Variants in CRYZ observed in about 807,000 individuals in gnomAD.
CRYZ encodes zeta-crystallin.
A neutral mutation model predicts 34.1 loss-of-function variants in CRYZ; 35 were observed. The ratio of observed to expected loss-of-function variants is 1.03; its 90% CI spans 0.78 to 1.36. The LOEUF is 1.36. Among genes scored for constraint, CRYZ ranks in the 40% most tolerant of loss-of-function variants. The probability of loss-of-function intolerance (pLI) is 0.00; values close to 1 mark genes in which losing one functional copy is unlikely to be tolerated. For synonymous variants in CRYZ, 137 were observed against 136.5 expected, an observed-to-expected ratio of 1.00 and a Z score of -0.03; for missense variants, 403 against 391.8, an observed-to-expected ratio of 1.03 and a Z score of -0.24.
chr1:74,725,463 A>T (rs1183261282), intron 1 of CRYZ, among the ~76,000 whole-genome samples: 1 of 152,148 alleles, frequency 6.6e-6, no homozygotes, highest in Non-Finnish European at 1.5e-5. Context: ...AGACTTATTC[A>T]CTGTCACTAG....
At chr1:74,711,963 GC>G (rs1181951143) in intron 5 of CRYZ, among the ~76,000 whole-genome samples, 1 of 152,116 alleles carries the variant, frequency 6.6e-6, no homozygotes, top group Non-Finnish European at 1.5e-5. Flanking sequence ...TGTAATCCCA[GC>G]ACTTTGGGAG....
intron 7 of CRYZ, 30 bp from the exon 8 acceptor site, chr1:74,707,024 A>G (rs572846240): frequency 6.3e-7 from 1 of 1,598,480 alleles, no homozygotes; most frequent in South Asian, 1.1e-5. Flanking sequence ...TTCTACAGTT[A>G]AAGATTACTG....
chr1:74,710,259 A>C lies in CRYZ; in HGVS notation c.481-12T>G, dbSNP rs1463541965. The C allele has an allele frequency of 3.1e-6, 5 of 1,613,096 alleles. No homozygotes were observed. Among genetic ancestry groups the C allele is most frequent in the Non-Finnish European group, 4.2e-6 (5 of 1,179,584 alleles). On this transcript the variant is annotated splice_polypyrimidine_tract_variant and intron_variant, in intron 5 of 8. Coordinates refer to ENST00000340866, the MANE Select transcript of CRYZ (RefSeq NM_001889.4). ...GCTGCTAATCCAACCTGAAAAACAAATATAACCCAAGAGTTATATATTCTC... is the reference window on the plus strand; with the variant it reads ...GCTGCTAATCCAACCTGAAAAACAACTATAACCCAAGAGTTATATATTCTC...
intron 5 of CRYZ, among the ~76,000 whole-genome samples, chr1:74,712,014 C>T (rs188244066): frequency 4.2e-4 from 64 of 152,244 alleles, no homozygotes; most frequent in Middle Eastern, 3.4e-3. Context: ...GAATTCGATA[C>T]CAGCCTGGGC....
chr1:74,724,885 C>A, intron 1 of CRYZ, 51 bp from the exon 2 acceptor site: 1 of 1,071,436 alleles, frequency 9.3e-7, no homozygotes. Context: ...TAGGATATCA[C>A]CATGTTTTTC....
In CRYZ at chr1:74,719,093, T is replaced by G. The variant is rs534391952; in HGVS notation, c.428+116A>C. 6 of 1,039,868 alleles carry G rather than the reference T, an allele frequency of 5.8e-6. 1 individual carries two copies. In the Admixed American group the frequency reaches 1.3e-4, roughly 23 times the overall value. The allele number at this position is 1,039,868 out of a possible 1,614,324, so 64.4% of individuals were successfully genotyped here. A position where few individuals can be genotyped will look rare whatever the true frequency, so the allele number is the denominator to read the frequency against. Reference sequence around the variant, plus strand: ...TTTCCATTATATAAATGTTTAATGGTAAGTAACTGGTAACCAAATATGATG... The same window carrying G: ...TTTCCATTATATAAATGTTTAATGGGAAGTAACTGGTAACCAAATATGATG... On this transcript the variant is annotated intron_variant, in intron 4 of 8. Transcript: ENST00000340866.
At chr1:74,727,908 T>A (rs1157113302) in intron 1 of CRYZ, among the ~76,000 whole-genome samples, 1 of 152,210 alleles carries the variant, frequency 6.6e-6, no homozygotes, top group Non-Finnish European at 1.5e-5. Context: ...TGTCCCACCC[T>A]TTCAAGAGGT....
intron 7 of CRYZ, 30 bp downstream of exon 7, chr1:74,707,072 TA>T (rs10601033): frequency 0.26 from 352,818 of 1,339,924 alleles, 11,352 homozygotes; most frequent in East Asian, 0.48. Flanking sequence ...ATTAAAGTGG[TA>T]AAAAAAAAAA....
chr1:74,708,258 G>T (rs1646956538), intron 6 of CRYZ: 1 of 152,260 alleles, frequency 6.6e-6, no homozygotes, highest in South Asian at 2.1e-4. Flanking sequence ...TGAAAACACA[G>T]TGAATGCCAT....
intron 5 of CRYZ, among the ~76,000 whole-genome samples, chr1:74,713,961 G>A (rs1647037846): frequency 6.6e-6 from 1 of 152,068 alleles, no homozygotes; most frequent in African/African-American, 2.4e-5. Context: ...GTTTCTGACA[G>A]CCCTGCATTG....
intron 4 of CRYZ, among the ~76,000 whole-genome samples, chr1:74,714,992 A>C (rs1183691646): frequency 1.3e-5 from 2 of 152,152 alleles, no homozygotes; most frequent in African/African-American, 2.4e-5. Flanking sequence ...CCCCACAGAA[A>C]GGGCCTCAAA....
At chr1:74,706,757 T>C (rs1370897910) in intron 8 of CRYZ, 142 bp downstream of exon 8, 1 of 710,620 alleles carries the variant, frequency 1.4e-6, no homozygotes, top group Non-Finnish European at 2.5e-6. Flanking sequence ...GTCACCCTAG[T>C]TGTCCTTCTG....
intron 3 of CRYZ, among the ~76,000 whole-genome samples, chr1:74,720,609 A>C (rs1222463625): frequency 6.6e-6 from 1 of 152,172 alleles, no homozygotes; most frequent in Non-Finnish European, 1.5e-5. Context: ...AAAATGTAGA[A>C]ATGTTATCTG....
In CRYZ at chr1:74,723,246, C is replaced by T. The variant is rs1255371477; in HGVS notation, c.136G>A (p.Gly46Ser). Reference sequence around the variant, plus strand: ...ATGTATGTCTCCACGGGGTTGACACCACATGCATGGACCTTGATTAGAACC... The same window carrying T: ...ATGTATGTCTCCACGGGGTTGACACTACATGCATGGACCTTGATTAGAACC... ...HQVLIKVHAC[G>S]VNPVETYIRS... Residue 46 changes from glycine to serine, a missense_variant, in exon 3 of 9, where the codon GGT becomes AGT. Physicochemically the swap from Gly to Ser is moderately conservative, Grantham distance 56. Coordinates refer to ENST00000340866, the MANE Select transcript of CRYZ (RefSeq NM_001889.4). The T allele has an allele frequency of 6.2e-7, 1 of 1,612,726 alleles. No homozygotes were observed. The highest frequency in any genetic ancestry group is 1.7e-5 in the Admixed American group (1 of 59,644).
At chr1:74,722,583 T>C (rs1163004382) in intron 3 of CRYZ, among the ~76,000 whole-genome samples, 1 of 140,566 alleles carries the variant, frequency 7.1e-6, no homozygotes, top group Non-Finnish European at 1.6e-5. Flanking sequence ...ACTATGAATA[T>C]GTCTTTGGGC....
intron 4 of CRYZ, among the ~76,000 whole-genome samples, chr1:74,715,908 GTT>G (rs554351801): frequency 3.0e-4 from 41 of 135,084 alleles, no homozygotes; most frequent in African/African-American, 1.0e-3. Context: ...CAGAAACAGT[GTT>G]TTTTTTTTTT....
chr1:74,716,360 C>G (rs956698396), intron 4 of CRYZ, among the ~76,000 whole-genome samples: 2 of 151,998 alleles, frequency 1.3e-5, no homozygotes, highest in Admixed American at 6.6e-5. Flanking sequence ...TCTGGAGAAC[C>G]CTGACTAATA....
intron 6 of CRYZ, 177 bp from the exon 7 acceptor site, chr1:74,707,381 G>T: frequency 2.1e-6 from 1 of 482,510 alleles, no homozygotes; most frequent in South Asian, 3.2e-5. Flanking sequence ...GTAATTCCAA[G>T]GTACCAGCCA....
At chr1:74,714,767 C>T (rs1239084833) in intron 4 of CRYZ, 137 bp from the exon 5 acceptor site, 2 of 716,930 alleles carry the variant, frequency 2.8e-6, no homozygotes, top group Admixed American at 4.9e-5. Flanking sequence ...TGACATACAG[C>T]CCCAAATATT....
Sources: gnomAD v4.1 joint callset for allele counts (sites outside exome capture counted in the v4.1 genomes callset) on GRCh38, gnomAD v4.1.1 for gene constraint, MANE v1.5 for transcripts, NCBI Gene and HGNC (gene_info 2026-07-23, HGNC 2026-07-21) for gene names.